Variants in DLG2 observed in about 807,000 individuals in gnomAD.
The protein encoded by DLG2 is disks large homolog 2.
In DLG2, 45 loss-of-function variants were observed where a neutral mutation model predicts 132.5. That is an observed-to-expected ratio of 0.34 (90% CI 0.27 to 0.44). The LOEUF is 0.44. DLG2 is among the 20% of genes least tolerant of loss of function. The probability of loss-of-function intolerance (pLI) is 1.00; values close to 1 mark genes in which losing one functional copy is unlikely to be tolerated. For synonymous variants in DLG2, 424 were observed against 419.6 expected (o/e 1.01, Z -0.13); for missense variants, 1,045 against 1,196.9 (o/e 0.87, Z 1.87).
rs1321810974 is a variant in DLG2, at chr11:84,220,775, CTTTTCTTTT to C, written c.573+30454_573+30462del. On this transcript the variant is annotated intron_variant, in intron 8 of 27. Transcript: ENST00000376104. The stretch of plus-strand genomic sequence containing the variant: ...TGTCACGTGCTTTTTTTTTCTTTTT[CTTTTCTTTT>C]TTTTTTTTTTTTTTTTTGACAGGGT... Among the ~76,000 whole-genome samples the C allele has an allele frequency of 4.8e-4, 54 of 112,310 alleles. 1 individual carries two copies. Among genetic ancestry groups the C allele is most frequent in the African/African-American group, 1.6e-3 (49 of 30,608 alleles). 73.7% of individuals were successfully genotyped at this position (112,310 alleles called of 152,430 possible). A position where few individuals can be genotyped will look rare whatever the true frequency, so the allele number is the denominator to read the frequency against.
At chr11:84,106,917 G>T (rs1292924203) in intron 9 of DLG2, among the ~76,000 whole-genome samples, 1 of 126,680 alleles carries the variant, frequency 7.9e-6, no homozygotes, top group Non-Finnish European at 1.7e-5. Flanking sequence ...GTGTGTGAGA[G>T]AAGTGTGTGT....
intron 17 of DLG2, among the ~76,000 whole-genome samples, chr11:83,787,946 G>A (rs2040471645): frequency 6.6e-6 from 1 of 152,172 alleles, no homozygotes; most frequent in African/African-American, 2.4e-5. Flanking sequence ...AATGAGTGGA[G>A]CACAAAGGGA....
chr11:85,576,715 C>G (rs925678263), intron 3 of DLG2, among the ~76,000 whole-genome samples: 2 of 152,048 alleles, frequency 1.3e-5, no homozygotes, highest in African/African-American at 4.8e-5. Flanking sequence ...ACAAGACAAC[C>G]AAGTTCTTTC....
chr11:83,482,057 TAAAC>T (rs1409723791), intron 22 of DLG2, among the ~76,000 whole-genome samples: 1 of 152,080 alleles, frequency 6.6e-6, no homozygotes, highest in Non-Finnish European at 1.5e-5. Context: ...AATCAATATT[TAAAC>T]TTCAGCCACT....
At chr11:84,650,895 A>G (rs888597023) in intron 6 of DLG2, among the ~76,000 whole-genome samples, 12 of 146,444 alleles carry the variant, frequency 8.2e-5, no homozygotes, top group African/African-American at 2.5e-4. Flanking sequence ...ATATATATAT[A>G]TATATAAAAT....
At chr11:83,521,571 G>C (rs1332714973) in intron 21 of DLG2, among the ~76,000 whole-genome samples, 1 of 152,160 alleles carries the variant, frequency 6.6e-6, no homozygotes, top group Non-Finnish European at 1.5e-5. Flanking sequence ...ATGCCTGCTA[G>C]AGGATAGATT....
chr11:84,243,015 C>CTCTG (rs1555449445), intron 8 of DLG2, among the ~76,000 whole-genome samples: 2 of 140,254 alleles, frequency 1.4e-5, no homozygotes, highest in Non-Finnish European at 3.1e-5. Context: ...CTCTCTCTCT[C>CTCTG]TCTATATATA....
At chr11:84,057,621 A>C (rs2096526022) in intron 11 of DLG2, among the ~76,000 whole-genome samples, 1 of 152,148 alleles carries the variant, frequency 6.6e-6, no homozygotes, top group South Asian at 2.1e-4. Context: ...TTTTCATTAC[A>C]TTACCAAACA....
intron 4 of DLG2, among the ~76,000 whole-genome samples, chr11:85,217,318 T>TCACA (rs56718906): frequency 0.099 from 14,275 of 143,894 alleles, 931 homozygotes; most frequent in East Asian, 0.24. Context: ...TCTCTCTCTC[T>TCACA]CACACACACA....
intron 18 of DLG2, among the ~76,000 whole-genome samples, chr11:83,642,740 T>C (rs2066940676): frequency 6.6e-6 from 1 of 152,184 alleles, no homozygotes; most frequent in Non-Finnish European, 1.5e-5. Context: ...AACTGATGTA[T>C]TATTATTTTT....
chr11:85,544,372 C>T (rs2076167143), intron 3 of DLG2, among the ~76,000 whole-genome samples: 1 of 152,126 alleles, frequency 6.6e-6, no homozygotes, highest in South Asian at 2.1e-4. Flanking sequence ...GCTACCAGTA[C>T]CATGCTGTTT....
intron 3 of DLG2, among the ~76,000 whole-genome samples, chr11:85,411,151 G>A (rs1472044858): frequency 6.6e-6 from 1 of 151,734 alleles, no homozygotes; most frequent in Non-Finnish European, 1.5e-5. Context: ...GTACAAAGGA[G>A]GAGGAATAGT....
At chr11:84,551,758 A>G (rs1323113610) in intron 6 of DLG2, among the ~76,000 whole-genome samples, 1 of 152,178 alleles carries the variant, frequency 6.6e-6, no homozygotes, top group Non-Finnish European at 1.5e-5. Flanking sequence ...TCTTCTGAGT[A>G]TGGTAGATAC....
intron 3 of DLG2, among the ~76,000 whole-genome samples, chr11:85,511,084 A>G (rs2094055452): frequency 6.6e-6 from 1 of 152,108 alleles, no homozygotes; most frequent in South Asian, 2.1e-4. Flanking sequence ...GACATGGATG[A>G]AGCTGGAAAC....
chr11:84,063,229 C>G (rs1391920602), intron 10 of DLG2, among the ~76,000 whole-genome samples: 2 of 152,208 alleles, frequency 1.3e-5, no homozygotes, highest in African/African-American at 4.8e-5. Flanking sequence ...CTACAGTATT[C>G]ATCTGCAGCA....
chr11:85,443,719 G>A (rs1432011565), intron 3 of DLG2, among the ~76,000 whole-genome samples: 1 of 152,130 alleles, frequency 6.6e-6, no homozygotes, highest in Non-Finnish European at 1.5e-5. Flanking sequence ...GCAAATGAAA[G>A]AACATTTTTT....
intron 9 of DLG2, among the ~76,000 whole-genome samples, chr11:84,134,545 G>A (rs892219081): frequency 6.6e-6 from 1 of 152,062 alleles, no homozygotes; most frequent in African/African-American, 2.4e-5. Context: ...CACACACAGT[G>A]TCTTCTAACC....
intron 4 of DLG2, among the ~76,000 whole-genome samples, chr11:85,170,042 G>GA (rs1007652019): frequency 6.6e-5 from 10 of 152,138 alleles, no homozygotes; most frequent in Admixed American, 5.9e-4. Flanking sequence ...AAAAATAGGA[G>GA]AAAAGCACAT....
At chr11:85,406,772 G>A (rs1555105692) in intron 3 of DLG2, among the ~76,000 whole-genome samples, 1 of 151,820 alleles carries the variant, frequency 6.6e-6, no homozygotes, top group Non-Finnish European at 1.5e-5. Flanking sequence ...CTCTGCTCCT[G>A]CAGAGCTTAG....
Sources: gnomAD v4.1 joint callset for allele counts (sites outside exome capture counted in the v4.1 genomes callset) on GRCh38, gnomAD v4.1.1 for gene constraint, MANE v1.5 for transcripts, NCBI Gene and HGNC (gene_info 2026-07-23, HGNC 2026-07-21) for gene names.